Variants in CFAP276 observed in about 807,000 individuals in gnomAD.
CFAP276 encodes the protein cilia and flagella associated protein 276.
chr1:109,111,569 G>A, the CFAP276 span, among the ~76,000 whole-genome samples: 3 of 152,056 alleles, frequency 2.0e-5, no homozygotes, highest in Non-Finnish European at 4.4e-5. Context: ...CCAACCAAGG[G>A]CATCTCTCCA....
chr1:109,112,096 T>C, the CFAP276 span, among the ~76,000 whole-genome samples: 1 of 152,196 alleles, frequency 6.6e-6, no homozygotes, highest in African/African-American at 2.4e-5. Flanking sequence ...TCCCAATCAC[T>C]TCTACCAGAA....
chr1:109,112,886 G>A, the CFAP276 span: 4 of 719,104 alleles, frequency 5.6e-6, no homozygotes, highest in Admixed American at 6.7e-5. Context: ...AGGAAGCTCC[G>A]GGGACTGCAG....
At chr1:109,109,827 G>A in the CFAP276 span, among the ~76,000 whole-genome samples, 5 of 152,020 alleles carry the variant, frequency 3.3e-5, no homozygotes, top group African/African-American at 7.2e-5. Flanking sequence ...ATGAGCCACC[G>A]TGCCCCGCTG....
the CFAP276 span, among the ~76,000 whole-genome samples, chr1:109,110,685 CTACCATATGGG>C: frequency 6.6e-6 from 1 of 152,228 alleles, no homozygotes; most frequent in Non-Finnish European, 1.5e-5. Context: ...ATGGCTTCAA[CTACCATATGGG>C]TACCATAGCT....
At chr1:109,107,084 C>T in the CFAP276 span, 1 of 1,614,144 alleles carries the variant, frequency 6.2e-7, no homozygotes, top group Non-Finnish European at 8.5e-7. Context: ...GGTGGTTGTA[C>T]AAGGCTGCTA....
At chr1:109,108,001 G>T in the CFAP276 span, 2 of 1,585,092 alleles carry the variant, frequency 1.3e-6, no homozygotes, top group Non-Finnish European at 1.7e-6. Context: ...GGTTCCTGCT[G>T]CTGAGCAAGG....
the CFAP276 span, among the ~76,000 whole-genome samples, chr1:109,106,280 T>C: frequency 6.6e-6 from 1 of 152,196 alleles, no homozygotes; most frequent in African/African-American, 2.4e-5. Flanking sequence ...GTTTTTGCCC[T>C]TGCTGTAAAT....
At chr1:109,107,989 A>G in the CFAP276 span, 13 of 1,591,852 alleles carry the variant, frequency 8.2e-6, no homozygotes, top group African/African-American at 1.6e-4. Context: ...AGCCGACTCC[A>G]GGGTTCCTGC....
the CFAP276 span, among the ~76,000 whole-genome samples, chr1:109,107,463 T>C: frequency 0.021 from 3,232 of 152,308 alleles, 42 homozygotes; most frequent in Non-Finnish European, 0.032. Flanking sequence ...GATAACTGCC[T>C]AGAGCAAAAC....
chr1:109,109,150 C>T, the CFAP276 span, among the ~76,000 whole-genome samples: 1 of 152,196 alleles, frequency 6.6e-6, no homozygotes, highest in East Asian at 1.9e-4. Context: ...GTGCAACTAA[C>T]AACCTATTAG....
At chr1:109,111,102 C>T in the CFAP276 span, among the ~76,000 whole-genome samples, 1 of 152,182 alleles carries the variant, frequency 6.6e-6, no homozygotes, top group Non-Finnish European at 1.5e-5. Flanking sequence ...GTCTCACTCT[C>T]ATCCTATCCA....
chr1:109,106,751 A>G, the CFAP276 span: 1 of 1,416,632 alleles, frequency 7.1e-7, no homozygotes, highest in Non-Finnish European at 9.6e-7. Context: ...CTCAAGAATA[A>G]AGCAGCCAAA....
chr1:109,113,540 C>A, the CFAP276 span: 1 of 1,350,700 alleles, frequency 7.4e-7, no homozygotes, highest in South Asian at 1.2e-5. Flanking sequence ...ACTACAGTGT[C>A]AGGGCTTCTC....
At chr1:109,113,693 T>C in the CFAP276 span, 2 of 1,613,912 alleles carry the variant, frequency 1.2e-6, no homozygotes, top group Non-Finnish European at 1.7e-6. Context: ...TTCTCTCGGT[T>C]CACACGCCAC....
the CFAP276 span, chr1:109,112,720 C>A: frequency 6.5e-7 from 1 of 1,546,908 alleles, no homozygotes; most frequent in Non-Finnish European, 8.7e-7. Flanking sequence ...GGGAGGCCCG[C>A]TCAGCCGCAG....
At chr1:109,112,198 C>T in the CFAP276 span, among the ~76,000 whole-genome samples, 1 of 152,192 alleles carries the variant, frequency 6.6e-6, no homozygotes. Flanking sequence ...AAGACAGAGA[C>T]AGTGTGAACA....
the CFAP276 span, chr1:109,106,021 G>T: frequency 6.8e-6 from 11 of 1,609,006 alleles, no homozygotes; most frequent in Middle Eastern, 1.7e-4. Context: ...TCAGGGATCT[G>T]TCAACACTAG....
the CFAP276 span, among the ~76,000 whole-genome samples, chr1:109,113,428 G>C: frequency 2.0e-5 from 2 of 101,252 alleles, no homozygotes; most frequent in Non-Finnish European, 2.3e-5. Flanking sequence ...GAGAGAGAGA[G>C]AGAGAGAGAG....
At chr1:109,107,946 C>T in the CFAP276 span, 3,974 of 1,612,674 alleles carry the variant, frequency 2.5e-3, 95 homozygotes, top group African/African-American at 0.046. Flanking sequence ...GTAGGCATCC[C>T]GCCTCATGGA....
Sources: allele counts gnomAD v4.1 joint callset (sites outside exome capture counted in the v4.1 genomes callset), GRCh38; gene constraint gnomAD v4.1.1; transcripts MANE v1.5; gene names NCBI Gene and HGNC (gene_info 2026-07-23, HGNC 2026-07-21).